ZNF3: variants seen among roughly 807,000 people sequenced by gnomAD.
The protein encoded by ZNF3 is C2-H2 type zinc finger protein.
ZNF3 carries 16 observed loss-of-function variants against 36.9 expected under a neutral mutation model. The observed-to-expected ratio is 0.43, with a 90% CI of 0.29 to 0.66. The LOEUF is 0.66. ZNF3 is among the 30% of genes least tolerant of loss of function. ZNF3 has a pLI of 0.13. For missense variants in ZNF3, 462 were observed against 543.1 expected (o/e 0.85, Z 1.48); for synonymous variants, 201 against 201.9 (o/e 1.00, Z 0.04).
Position 100,071,741 on chromosome 7 carries a change from C to T in ZNF3, c.743G>A (p.Arg248Lys). ...ATAAGGTTTTTCCCCAGTGTGGATT[C>T]TCTGATGCTGAATAAGGTGTGAGCT... is the stretch of plus-strand genomic sequence containing the variant. ...SQSSHLIQHQ[R>K]IHTGEKPYEC... is the part of the protein sequence containing the mutation. Residue 248 changes from arginine to lysine, a missense_variant, in exon 6 of 6, where the codon AGA becomes AAA. By Grantham distance (26) the Arg-to-Lys change is conservative. Coordinates refer to ENST00000299667, the MANE Select transcript of ZNF3 (RefSeq NM_032924.5). The T allele has an allele frequency of 1.2e-6, 2 of 1,614,152 alleles. No individual in the cohort carries two copies. Among genetic ancestry groups the T allele is most frequent in the Non-Finnish European group, 1.7e-6 (2 of 1,180,020 alleles).
chr7:100,075,683 C>T, intron 3 of ZNF3, 53 bp from the exon 4 acceptor site: 1 of 1,571,206 alleles, frequency 6.4e-7, no homozygotes, highest in Non-Finnish European at 8.7e-7. Flanking sequence ...TGTGACCTCC[C>T]AACCTGCTGA....
chr7:100,065,113 A>T, downstream of ZNF3: 1 of 838,260 alleles, frequency 1.2e-6, no homozygotes, highest in South Asian at 1.9e-5. Flanking sequence ...AACTATTCCT[A>T]CTGGTTTAGC....
At chr7:100,065,177 C>T (rs1044328697), downstream of ZNF3, 4 of 458,280 alleles carry the variant, frequency 8.7e-6, no homozygotes, top group Non-Finnish European at 1.2e-5. Flanking sequence ...CCTGTAATCC[C>T]AGCACCTTGG....
At chr7:100,065,001 A>T, downstream of ZNF3, 2 of 1,511,722 alleles carry the variant, frequency 1.3e-6, no homozygotes, top group South Asian at 2.4e-5. Flanking sequence ...CATTGAACAC[A>T]ATTGAATGAG....
intron 1 of ZNF3, among the ~76,000 whole-genome samples, chr7:100,079,937 A>G (rs950487677): frequency 6.6e-6 from 1 of 152,142 alleles, no homozygotes; most frequent in Admixed American, 6.6e-5. Flanking sequence ...TCCTGGCCTC[A>G]AGTGATTCTC....
intron 1 of ZNF3, among the ~76,000 whole-genome samples, chr7:100,080,399 T>C (rs1584466482): frequency 6.6e-6 from 1 of 150,442 alleles, no homozygotes; most frequent in African/African-American, 2.5e-5. Flanking sequence ...GAGGCTGAGG[T>C]GGGAGGATTA....
At chr7:100,068,997 T>TA (rs1052387869), downstream of ZNF3, among the ~76,000 whole-genome samples, 2 of 146,662 alleles carry the variant, frequency 1.4e-5, no homozygotes, top group African/African-American at 5.2e-5. Context: ...ATATATATAA[T>TA]TTTTTTTTTT....
chr7:100,068,096 TC>T (rs1347222315), downstream of ZNF3, among the ~76,000 whole-genome samples: 2 of 152,040 alleles, frequency 1.3e-5, no homozygotes, highest in Admixed American at 1.3e-4. Context: ...CAGGTTTTTT[TC>T]TTCTTCTTCG....
intron 5 of ZNF3, chr7:100,064,957 A>G (rs368050388): frequency 5.0e-6 from 8 of 1,605,252 alleles, no homozygotes; most frequent in Middle Eastern, 1.7e-4. Flanking sequence ...TTTAACATAT[A>G]TTCAAGAATT....
At chr7:100,081,881 A>AGCGC (rs1393825881), upstream of ZNF3, 2 of 152,674 alleles carry the variant, frequency 1.3e-5, no homozygotes, top group African/African-American at 4.8e-5. The surrounding 1 kb of genome is among the most constrained non-coding windows in gnomAD (Gnocchi z 4.3). Flanking sequence ...GAGGGCAAGG[A>AGCGC]GCGCGATCGC....
At chr7:100,077,108 T>C in intron 3 of ZNF3, 195 bp downstream of exon 3, 1 of 599,170 alleles carries the variant, frequency 1.7e-6, no homozygotes, top group Non-Finnish European at 2.9e-6. Flanking sequence ...CTGCCTCAAT[T>C]ATCAAACCTA....
intron 3 of ZNF3, 113 bp downstream of exon 3, chr7:100,077,190 G>T: frequency 1.5e-6 from 2 of 1,329,896 alleles, no homozygotes; most frequent in Non-Finnish European, 2.1e-6. Flanking sequence ...CGAAGAGTGT[G>T]TCTTATTCAC....
At chr7:100,065,215 T>C (rs1202095748), downstream of ZNF3, among the ~76,000 whole-genome samples, 1 of 152,028 alleles carries the variant, frequency 6.6e-6, no homozygotes. Flanking sequence ...TCACCTCAGG[T>C]CAGGAGTTCG....
rs1793045532 is a variant in ZNF3, at chr7:100,071,039, A to G, written c.*104T>C. 1 of 1,495,160 alleles carries G rather than the reference A, an allele frequency of 6.7e-7. No individual in the cohort carries two copies. The highest frequency in any genetic ancestry group is 8.9e-7 in the Non-Finnish European group (1 of 1,124,794). The allele number at this position is 1,495,160 out of a possible 1,614,324, so 92.6% of individuals were successfully genotyped here. A position where few individuals can be genotyped will look rare whatever the true frequency, so the allele number is the denominator to read the frequency against. ...CATCTGCCCCATTCTCTAAAATGAA[A>G]AGTCTGAGTTGAAAGGGACACATCC... is the stretch of plus-strand genomic sequence containing the variant. On this transcript the variant is annotated 3_prime_UTR_variant, in exon 6 of 6. Coordinates refer to ENST00000299667, the MANE Select transcript of ZNF3 (RefSeq NM_032924.5).
At chr7:100,073,815 G>GA (rs1021857825) in intron 5 of ZNF3, among the ~76,000 whole-genome samples, 2 of 151,916 alleles carry the variant, frequency 1.3e-5, no homozygotes, top group African/African-American at 4.8e-5. Flanking sequence ...TAATCCTTCG[G>GA]AAAAGTCTCT....
intron 3 of ZNF3, 44 bp downstream of exon 3, chr7:100,077,259 G>A (rs781474603): frequency 2.5e-6 from 4 of 1,612,534 alleles, no homozygotes; most frequent in African/African-American, 2.7e-5. Context: ...ATGGATGATT[G>A]CAGAATGACT....
downstream of ZNF3, among the ~76,000 whole-genome samples, chr7:100,069,131 A>AT (rs548497539): frequency 0.062 from 9,111 of 147,416 alleles, 370 homozygotes; most frequent in South Asian, 0.11. Context: ...CTCAGCCCTA[A>AT]TTTTTTTTTT....
At position 100,072,200 on chromosome 7, in the gene ZNF3, C is replaced by G. The variant is rs751245038; in HGVS notation, c.284G>C (p.Arg95Thr). ...GNVFSLDRETRTENDQEISED... is the reference protein window; with the variant it reads ...GNVFSLDRETTTENDQEISED... ...AGAAATTTCTTGATCATTTTCAGTC[C>G]TGGTCTCACGATCTGACACAATAAA... Residue 95 changes from arginine to threonine, a missense_variant, in exon 6 of 6, where the codon AGG becomes ACG. Coordinates refer to ENST00000299667, the MANE Select transcript of ZNF3 (RefSeq NM_032924.5). The G allele has an allele frequency of 1.9e-6, 3 of 1,585,700 alleles. No individual in the cohort carries two copies. Among genetic ancestry groups the G allele is most frequent in the Non-Finnish European group, 1.7e-6 (2 of 1,170,632 alleles).
exon 6 of ZNF3, chr7:100,064,112 T>C (rs1324636853): frequency 5.0e-6 from 8 of 1,613,436 alleles, no homozygotes; most frequent in Non-Finnish European, 6.8e-6. Context: ...AAACCTTACG[T>C]GTGCACCAAG....
Sources: allele counts gnomAD v4.1 joint callset (sites outside exome capture counted in the v4.1 genomes callset), GRCh38; gene constraint gnomAD v4.1.1; non-coding constraint Gnocchi (gnomAD v3.1); transcripts MANE v1.5; gene names NCBI Gene and HGNC (gene_info 2026-07-23, HGNC 2026-07-21).